Variants in FOXP2 observed in about 807,000 individuals in gnomAD.
FOXP2 encodes forkhead box protein P2.
In FOXP2, 12 loss-of-function variants were observed where a neutral mutation model predicts 115.8. The observed-to-expected ratio is 0.10, with a 90% confidence interval of 0.07 to 0.17. The LOEUF is 0.17. FOXP2 is among the 10% of genes least tolerant of loss of function. FOXP2 has a pLI of 1.00. For synonymous variants in FOXP2, 328 were observed against 297.7 expected (o/e 1.10, Z -1.05); for missense variants, 629 against 843.5 (o/e 0.75, Z 3.15).
At chr7:114,597,149 C>T (rs1338471713) in intron 3 of FOXP2, among the ~76,000 whole-genome samples, 4 of 151,944 alleles carry the variant, frequency 2.6e-5, no homozygotes, top group African/African-American at 9.7e-5. Flanking sequence ...AATCTGTGTG[C>T]AACCTTTTAA....
At chr7:114,288,055 A>G (rs1796508911) in exon 2 of FOXP2, 1 of 453,442 alleles carries the variant, frequency 2.2e-6, no homozygotes, top group Non-Finnish European at 4.4e-6. Flanking sequence ...GAATTTTCCT[A>G]GGACTCCGTT....
intron 2 of FOXP2, among the ~76,000 whole-genome samples, chr7:114,478,960 G>A (rs1204566987): frequency 6.6e-6 from 1 of 151,538 alleles, no homozygotes; most frequent in African/African-American, 2.4e-5. Context: ...TATAGGGAAA[G>A]TTTTTCTCTC....
intron 1 of FOXP2, among the ~76,000 whole-genome samples, chr7:114,273,731 A>G (rs1796119785): frequency 6.6e-6 from 1 of 152,070 alleles, no homozygotes; most frequent in Non-Finnish European, 1.5e-5. Flanking sequence ...GAAGTCTGCT[A>G]TGTCTGAAAT....
intron 1 of FOXP2, among the ~76,000 whole-genome samples, chr7:114,255,207 C>T (rs1420711344): frequency 1.4e-5 from 2 of 141,674 alleles, no homozygotes; most frequent in African/African-American, 2.6e-5. Flanking sequence ...CCCCTACTGG[C>T]GATGCCTCCC....
intron 2 of FOXP2, among the ~76,000 whole-genome samples, chr7:114,356,310 C>G (rs1791615663): frequency 6.6e-6 from 1 of 152,124 alleles, no homozygotes; most frequent in Non-Finnish European, 1.5e-5. Flanking sequence ...AGTCTAGTGA[C>G]TAATCTGGGA....
chr7:114,581,454 A>G (rs1162103166), intron 3 of FOXP2, among the ~76,000 whole-genome samples: 1 of 151,966 alleles, frequency 6.6e-6, no homozygotes, highest in Non-Finnish European at 1.5e-5. Flanking sequence ...CTTCTTTATA[A>G]TTAACACTTT....
intron 2 of FOXP2, among the ~76,000 whole-genome samples, chr7:114,484,381 G>A (rs1165627295): frequency 2.6e-5 from 4 of 151,774 alleles, no homozygotes; most frequent in African/African-American, 9.7e-5. Context: ...TAACCTTTTA[G>A]TGCATGATAA....
chr7:114,149,792 T>G (rs545928854), intron 1 of FOXP2, among the ~76,000 whole-genome samples: 7 of 152,200 alleles, frequency 4.6e-5, no homozygotes, highest in African/African-American at 1.7e-4. Context: ...AAAATTAGAC[T>G]CAATTTTAGT....
chr7:114,281,245 G>T (rs181377868), intron 1 of FOXP2, among the ~76,000 whole-genome samples: 156 of 151,722 alleles, frequency 1.0e-3, no homozygotes, highest in African/African-American at 3.4e-3. Flanking sequence ...GGCATTACAG[G>T]TGCCTGCTAC....
intron 2 of FOXP2, among the ~76,000 whole-genome samples, chr7:114,321,939 C>T (rs533791102): frequency 6.6e-6 from 1 of 151,984 alleles, no homozygotes; most frequent in African/African-American, 2.4e-5. Context: ...TTCTTATCTC[C>T]AAAGCTCATG....
At chr7:114,334,592 G>C (rs541416288) in intron 2 of FOXP2, among the ~76,000 whole-genome samples, 1 of 149,726 alleles carries the variant, frequency 6.7e-6, no homozygotes, top group Non-Finnish European at 1.5e-5. Context: ...TCTCAAGTTA[G>C]TGGAAAAAAA....
At chr7:114,211,187 G>A (rs1794337710) in intron 1 of FOXP2, among the ~76,000 whole-genome samples, 1 of 152,176 alleles carries the variant, frequency 6.6e-6, no homozygotes, top group Admixed American at 6.5e-5. Flanking sequence ...CCTGTATTCA[G>A]CCCCCTTCCT....
chr7:114,555,860 TC>T lies in FOXP2; in HGVS notation c.258+21156del, dbSNP rs1375699982. Among the ~76,000 whole-genome samples, 6 of 151,970 alleles carry T rather than the reference TC, an allele frequency of 3.9e-5. No individual in the cohort carries two copies. The East Asian group carries it at 1.2e-3, about 29-fold the overall frequency. On this transcript the variant is annotated intron_variant, in intron 3 of 16. Coordinates refer to ENST00000350908, the MANE Select transcript of FOXP2 (RefSeq NM_014491.4). ...AAGGAAGGGATGAAAGTTACATGGC[TC>T]CACCATGGAGGGGATCTCCATCATC...
intron 1 of FOXP2, among the ~76,000 whole-genome samples, chr7:114,145,990 T>C (rs982526361): frequency 1.3e-5 from 2 of 152,210 alleles, no homozygotes; most frequent in Admixed American, 1.3e-4. Flanking sequence ...CTGTATTCTA[T>C]ATGTGTTTAT....
At position 114,690,807 on chromosome 7, in the gene FOXP2, G is replaced by A; in HGVS notation, c.*881G>A. The A allele has an allele frequency of 2.2e-6, 1 of 454,506 alleles. No individual in the cohort carries two copies. The highest frequency in any genetic ancestry group is 4.4e-6 in the Non-Finnish European group (1 of 226,780). 28.2% of individuals were successfully genotyped at this position (454,506 alleles called of 1,614,324 possible). A position where few individuals can be genotyped will look rare whatever the true frequency, so the allele number is the denominator to read the frequency against. ...AGGACAGAAGCAGCCACATGCTTTG[G>A]TCAGCCTTCTGTAACTTCAATTAGT... On this transcript the variant is annotated 3_prime_UTR_variant, in exon 17 of 17. Coordinates refer to ENST00000350908, the MANE Select transcript of FOXP2 (RefSeq NM_014491.4).
At chr7:114,650,691 A>G (rs1376405250) in intron 8 of FOXP2, among the ~76,000 whole-genome samples, 1 of 152,048 alleles carries the variant, frequency 6.6e-6, no homozygotes, top group Non-Finnish European at 1.5e-5. Flanking sequence ...GGTTCACAGC[A>G]GAACAAACCT....
intron 2 of FOXP2, among the ~76,000 whole-genome samples, chr7:114,397,293 A>G (rs896246146): frequency 6.6e-5 from 10 of 152,196 alleles, no homozygotes; most frequent in Non-Finnish European, 7.3e-5. Flanking sequence ...TATTAACCAT[A>G]TATCCCATAC....
At chr7:114,350,267 A>T (rs1791450519) in intron 2 of FOXP2, among the ~76,000 whole-genome samples, 1 of 152,086 alleles carries the variant, frequency 6.6e-6, no homozygotes. Flanking sequence ...CTCATGCATT[A>T]GGTATTTGTC....
intron 2 of FOXP2, among the ~76,000 whole-genome samples, chr7:114,350,123 A>G (rs1236190358): frequency 6.6e-6 from 1 of 152,058 alleles, no homozygotes; most frequent in African/African-American, 2.4e-5. Context: ...TCAAAAATGG[A>G]TGTTTTTATT....
Sources: gnomAD v4.1 joint callset for allele counts (sites outside exome capture counted in the v4.1 genomes callset) on GRCh38, gnomAD v4.1.1 for gene constraint, MANE v1.5 for transcripts, NCBI Gene and HGNC (gene_info 2026-07-23, HGNC 2026-07-21) for gene names.